Variants in SYNDIG1 observed in about 807,000 individuals in gnomAD.
The protein encoded by SYNDIG1 is synapse differentiation-inducing gene protein 1.
SYNDIG1 carries 9 observed loss-of-function variants against 19.4 expected under a neutral mutation model. The observed-to-expected ratio is 0.46, with a 90% CI of 0.28 to 0.81. The LOEUF (loss-of-function observed/expected upper bound fraction) is 0.81, where lower values mean the gene tolerates loss of function less well. Ranked by LOEUF, SYNDIG1 falls within the 30% of genes least tolerant of loss-of-function variation. SYNDIG1 has a pLI of 0.12. For synonymous variants in SYNDIG1, 141 were observed against 145.9 expected, an observed-to-expected ratio of 0.97 and a Z score of 0.24; for missense variants, 311 against 343.3, an observed-to-expected ratio of 0.91 and a Z score of 0.74.
At chr20:24,506,258 C>A (rs2146421664) in intron 1 of SYNDIG1, among the ~76,000 whole-genome samples, 1 of 152,338 alleles carries the variant, frequency 6.6e-6, no homozygotes, top group Non-Finnish European at 1.5e-5. Context: ...AGTTATAAGA[C>A]AAGGGGCATG....
At position 24,658,614 on chromosome 20, in the gene SYNDIG1, A is replaced by C. The variant is rs12480974; in HGVS notation, c.619-6732A>C. Reference sequence around the variant, plus strand: ...CGAACCGTGTGGAGTATGACCCCCCACCCCCACCCCCCGGCGATTCACTGA... The same window carrying C: ...CGAACCGTGTGGAGTATGACCCCCCCCCCCCACCCCCCGGCGATTCACTGA... On this transcript the variant is annotated intron_variant, in intron 3 of 3. Coordinates refer to ENST00000376862, the MANE Select transcript of SYNDIG1 (RefSeq NM_024893.3). The surrounding 1 kb of genome is among the most constrained non-coding windows in gnomAD (Gnocchi z 4.4). 1.4e-3 allele frequency among the ~76,000 whole-genome samples: 166 copies of C among 120,796 alleles called. No homozygotes were observed. The highest frequency in any genetic ancestry group is 2.2e-3 in the South Asian group (7 of 3,228). The allele number at this position is 120,796 out of a possible 152,430, so 79.2% of individuals were successfully genotyped here.
intron 2 of SYNDIG1, among the ~76,000 whole-genome samples, chr20:24,576,400 C>T (rs1199035305): frequency 6.6e-6 from 1 of 152,168 alleles, no homozygotes; most frequent in Admixed American, 6.5e-5. Context: ...ATGATGGTTC[C>T]GAGCTCTAGT....
intron 1 of SYNDIG1, among the ~76,000 whole-genome samples, chr20:24,521,793 G>T (rs983797967): frequency 1.3e-5 from 2 of 151,638 alleles, no homozygotes; most frequent in Non-Finnish European, 2.9e-5. Context: ...CCAGCTACTC[G>T]GGAGGCTGAC....
chr20:24,606,403 T>G lies in SYNDIG1; in HGVS notation c.618+21410T>G, dbSNP rs554543779. On this transcript the variant is annotated intron_variant, in intron 3 of 3. Transcript: ENST00000376862. ...GGGAAACTATTTCACTGAATTCTAATAGATATCTAGCAGATAATTACCCCA... is the reference window on the plus strand; with the variant it reads ...GGGAAACTATTTCACTGAATTCTAAGAGATATCTAGCAGATAATTACCCCA... Among the ~76,000 whole-genome samples the G allele has an allele frequency of 1.3e-5, 2 of 152,350 alleles. 1 individual carries two copies. The highest frequency in any genetic ancestry group is 4.1e-4 in the South Asian group (2 of 4,824).
intron 3 of SYNDIG1, among the ~76,000 whole-genome samples, chr20:24,642,517 T>C (rs1176988534): frequency 6.6e-6 from 1 of 152,186 alleles, no homozygotes; most frequent in East Asian, 1.9e-4. Context: ...GTTTTGGAAC[T>C]TGTCTGTGTG....
At chr20:24,536,940 G>T (rs555334977) in intron 1 of SYNDIG1, among the ~76,000 whole-genome samples, 7 of 152,092 alleles carry the variant, frequency 4.6e-5, no homozygotes, top group Non-Finnish European at 1.0e-4. Context: ...AGCACTTTGA[G>T]CAGTAGAGGA....
chr20:24,584,264 C>T (rs190854921), intron 2 of SYNDIG1, among the ~76,000 whole-genome samples: 6 of 152,326 alleles, frequency 3.9e-5, no homozygotes, highest in Admixed American at 2.6e-4. Flanking sequence ...TGTCTTGACT[C>T]AGTTCAGAGT....
At chr20:24,610,831 G>A (rs1251098526) in intron 3 of SYNDIG1, among the ~76,000 whole-genome samples, 2 of 152,140 alleles carry the variant, frequency 1.3e-5, no homozygotes, top group Non-Finnish European at 2.9e-5. Flanking sequence ...CAGGAAGACG[G>A]AGATGGATCC....
intron 1 of SYNDIG1, among the ~76,000 whole-genome samples, chr20:24,482,035 A>G (rs939913517): frequency 1.3e-5 from 2 of 152,226 alleles, no homozygotes; most frequent in African/African-American, 4.8e-5. Flanking sequence ...ATTTGCAACA[A>G]ATTAACAAAT....
At chr20:24,531,453 G>GA (rs945370001) in intron 1 of SYNDIG1, among the ~76,000 whole-genome samples, 1 of 152,070 alleles carries the variant, frequency 6.6e-6, no homozygotes, top group African/African-American at 2.4e-5. Context: ...CGTAGGTTCA[G>GA]AAAAAAAGGA....
chr20:24,590,075 A>C (rs757797934), intron 3 of SYNDIG1, among the ~76,000 whole-genome samples: 11 of 152,172 alleles, frequency 7.2e-5, no homozygotes. Context: ...CTCACTGGCT[A>C]TTAGCTGCGG....
intron 3 of SYNDIG1, among the ~76,000 whole-genome samples, chr20:24,636,841 C>T (rs900022564): frequency 6.6e-6 from 1 of 152,234 alleles, no homozygotes; most frequent in African/African-American, 2.4e-5. Flanking sequence ...CTCTTACCCT[C>T]GCTATCTGCC....
rs190464358 is a variant in SYNDIG1, at chr20:24,525,159, A to G, written c.-78-17861A>G. Among the ~76,000 whole-genome samples the G allele has an allele frequency of 2.6e-5, 4 of 152,092 alleles. 1 individual carries two copies. In the East Asian group the frequency reaches 7.7e-4, roughly 29 times the overall value. On this transcript the variant is annotated intron_variant, in intron 1 of 3. Coordinates refer to ENST00000376862, the MANE Select transcript of SYNDIG1 (RefSeq NM_024893.3). Reference sequence around the variant, plus strand: ...TTGATCAAATGGTTATTAAGAAAGCATTTCTTTTCCTTCGTTTCTAAATGA... The same window carrying G: ...TTGATCAAATGGTTATTAAGAAAGCGTTTCTTTTCCTTCGTTTCTAAATGA...
intron 1 of SYNDIG1, among the ~76,000 whole-genome samples, chr20:24,518,307 T>C (rs2056931108): frequency 1.3e-5 from 2 of 151,966 alleles, no homozygotes; most frequent in African/African-American, 4.8e-5. Context: ...GGACTGGTAC[T>C]AGGGAGAAGC....
At chr20:24,661,860 A>G (rs1385437362) in intron 3 of SYNDIG1, among the ~76,000 whole-genome samples, 2 of 152,144 alleles carry the variant, frequency 1.3e-5, no homozygotes, top group Non-Finnish European at 2.9e-5. Context: ...CTCCCTTCAG[A>G]TAGAACCATT....
chr20:24,533,855 C>A (rs1322858149), intron 1 of SYNDIG1, among the ~76,000 whole-genome samples: 1 of 152,170 alleles, frequency 6.6e-6, no homozygotes, highest in Non-Finnish European at 1.5e-5. Flanking sequence ...GATTCAGCCC[C>A]TGTGTTAGTC....
intron 1 of SYNDIG1, among the ~76,000 whole-genome samples, chr20:24,498,916 G>C (rs548903374): frequency 6.6e-6 from 1 of 152,286 alleles, no homozygotes; most frequent in Admixed American, 6.5e-5. Flanking sequence ...AAGCAGGATT[G>C]CCAGGTCATA....
intron 3 of SYNDIG1, among the ~76,000 whole-genome samples, chr20:24,617,683 G>T (rs1316105681): frequency 6.6e-6 from 1 of 152,038 alleles, no homozygotes; most frequent in East Asian, 1.9e-4. Flanking sequence ...CAAAAGAGTA[G>T]GCGAACCCAG....
chr20:24,558,577 C>T (rs2057873552), intron 2 of SYNDIG1, among the ~76,000 whole-genome samples: 1 of 151,558 alleles, frequency 6.6e-6, no homozygotes, highest in Admixed American at 6.6e-5. Context: ...TTGTTTTCTG[C>T]ATGTATCCTG....
Sources: gnomAD v4.1 joint callset for allele counts (sites outside exome capture counted in the v4.1 genomes callset) on GRCh38, gnomAD v4.1.1 for gene constraint, Gnocchi (gnomAD v3.1) non-coding constraint, MANE v1.5 for transcripts, NCBI Gene and HGNC (gene_info 2026-07-23, HGNC 2026-07-21) for gene names.